The following NAA11 variants were observed in gnomAD, a reference collection of about 807,000 sequenced individuals.
NAA11 encodes the protein N-alpha-acetyltransferase 11.
NAA11 carries 15 observed loss-of-function variants against 16.1 expected under a neutral mutation model. The ratio of observed to expected loss-of-function variants is 0.93; its 90% CI spans 0.62 to 1.44. NAA11 has a LOEUF of 1.44. NAA11 is among the 40% of genes most tolerant of loss of function. NAA11 has a pLI of 0.00. For missense variants in NAA11, 298 were observed against 291.3 expected, an observed-to-expected ratio of 1.02 and a Z score of -0.17; for synonymous variants, 122 against 112.4, an observed-to-expected ratio of 1.09 and a Z score of -0.54.
At chr4:79,161,469 T>G in the NAA11 span, among the ~76,000 whole-genome samples, 1 of 152,158 alleles carries the variant, frequency 6.6e-6, no homozygotes, top group Admixed American at 6.5e-5. Flanking sequence ...ACCCCCAAAT[T>G]TATTTTTTTC....
At chr4:79,183,989 C>G in the NAA11 span, among the ~76,000 whole-genome samples, 1 of 152,174 alleles carries the variant, frequency 6.6e-6, no homozygotes, top group South Asian at 2.1e-4. Flanking sequence ...TGGAAGAAAC[C>G]AAAATGCTAG....
rs1252339717 is a variant in NAA11 at position 79,316,665 on chromosome 4, CTT to C, written c.*1137_*1138del. On this transcript the variant is annotated 3_prime_UTR_variant, in exon 2 of 2. Coordinates refer to ENST00000286794, the MANE Select transcript of NAA11 (RefSeq NM_032693.3). ...TGATAACTCTGGATTTATCTGGTAA[CTT>C]TTACTGCAGAGGTCAAGGTACTTTG... 3 of 152,120 alleles carry C rather than the reference CTT, an allele frequency of 2.0e-5. No individual in the cohort carries two copies. Among genetic ancestry groups the C allele is most frequent in the African/African-American group, 7.2e-5 (3 of 41,422 alleles). The allele number at this position is 152,120 out of a possible 1,614,324, so 9.4% of individuals were successfully genotyped here.
the NAA11 span, among the ~76,000 whole-genome samples, chr4:79,164,676 C>A: frequency 6.6e-6 from 1 of 152,162 alleles, no homozygotes; most frequent in Non-Finnish European, 1.5e-5. Flanking sequence ...TTCCCTCGTG[C>A]CAGTCAGTCA....
At chr4:79,193,814 C>G in the NAA11 span, among the ~76,000 whole-genome samples, 627 of 152,068 alleles carry the variant, frequency 4.1e-3, 4 homozygotes, top group African/African-American at 0.014. Flanking sequence ...AATTACCTTG[C>G]GCAGTATGGC....
chr4:79,195,418 A>AT, the NAA11 span, among the ~76,000 whole-genome samples: 4 of 152,126 alleles, frequency 2.6e-5, no homozygotes, highest in Admixed American at 1.3e-4. Flanking sequence ...CTAAATAAAT[A>AT]TTTTTTTACA....
intron 1 of NAA11, among the ~76,000 whole-genome samples, chr4:79,298,324 G>C (rs796675808): frequency 6.6e-6 from 1 of 152,196 alleles, no homozygotes; most frequent in Non-Finnish European, 1.5e-5. Flanking sequence ...GCAGTAACAC[G>C]AACAGGCCTG....
At chr4:79,323,793 C>T (rs1724174142) in intron 1 of NAA11, among the ~76,000 whole-genome samples, 1 of 151,802 alleles carries the variant, frequency 6.6e-6, no homozygotes. Flanking sequence ...GGCACTCCAG[C>T]CTCGGCGACA....
the NAA11 span, among the ~76,000 whole-genome samples, chr4:79,168,237 A>C: frequency 6.6e-6 from 1 of 152,110 alleles, no homozygotes; most frequent in African/African-American, 2.4e-5. Flanking sequence ...TCTGTGGTGC[A>C]TATGTGCCAT....
At chr4:79,235,767 A>G (rs1301335889) in intron 2 of NAA11, among the ~76,000 whole-genome samples, 1 of 152,080 alleles carries the variant, frequency 6.6e-6, no homozygotes, top group Admixed American at 6.6e-5. Flanking sequence ...GATCAGATAG[A>G]TAGATCATAG....
At chr4:79,295,466 A>G (rs1253439560) in intron 1 of NAA11, among the ~76,000 whole-genome samples, 1 of 152,222 alleles carries the variant, frequency 6.6e-6, no homozygotes, top group Non-Finnish European at 1.5e-5. Context: ...CAACAAAACT[A>G]AAATAAATGC....
chr4:79,322,505 G>GTATA (rs150419621), intron 1 of NAA11, among the ~76,000 whole-genome samples: 63,345 of 149,914 alleles, frequency 0.42, 13,861 homozygotes, highest in East Asian at 0.71. Flanking sequence ...GTGTGTGTGT[G>GTATA]TATATATATA....
At chr4:79,252,534 A>C (rs1188082142) in intron 2 of NAA11, among the ~76,000 whole-genome samples, 1 of 152,232 alleles carries the variant, frequency 6.6e-6, no homozygotes, top group Non-Finnish European at 1.5e-5. Flanking sequence ...AAATGCTTTC[A>C]AGAAAAAAAA....
At chr4:79,311,456 A>T (rs930842853) in intron 1 of NAA11, among the ~76,000 whole-genome samples, 4 of 152,126 alleles carry the variant, frequency 2.6e-5, no homozygotes, top group Admixed American at 6.5e-5. Context: ...ATACATTGTC[A>T]CTCCTAAACC....
chr4:79,311,268 C>T (rs1723762385), intron 1 of NAA11, among the ~76,000 whole-genome samples: 1 of 152,074 alleles, frequency 6.6e-6, no homozygotes, highest in South Asian at 2.1e-4. Flanking sequence ...ATTCAGGGTA[C>T]CCAATTATTA....
chr4:79,174,362 G>A, the NAA11 span, among the ~76,000 whole-genome samples: 3 of 152,212 alleles, frequency 2.0e-5, no homozygotes, highest in Admixed American at 6.5e-5. Context: ...AAAGTGAGAG[G>A]GGGGTGGGAA....
chr4:79,188,714 T>A, the NAA11 span, among the ~76,000 whole-genome samples: 1 of 152,228 alleles, frequency 6.6e-6, no homozygotes, highest in Non-Finnish European at 1.5e-5. Context: ...GATTCATCTC[T>A]TGACACGTTT....
intron 2 of NAA11, among the ~76,000 whole-genome samples, chr4:79,272,631 G>C (rs17003702): frequency 0.042 from 6,365 of 152,034 alleles, 485 homozygotes; most frequent in African/African-American, 0.15. Flanking sequence ...TTATGATTTA[G>C]TAAAGAGGTT....
the NAA11 span, among the ~76,000 whole-genome samples, chr4:79,187,824 G>C: frequency 1.3e-5 from 2 of 150,554 alleles, no homozygotes; most frequent in African/African-American, 4.9e-5. Flanking sequence ...GTGAAACCCC[G>C]TCACTACTAA....
intron 2 of NAA11, chr4:79,245,370 TGAG>T (rs762193272): frequency 6.7e-6 from 1 of 148,238 alleles, no homozygotes; most frequent in South Asian, 2.0e-4. Context: ...GTCTGGGAGA[TGAG>T]GAGCATCTCT....
Sources: allele counts gnomAD v4.1 joint callset (sites outside exome capture counted in the v4.1 genomes callset), GRCh38; gene constraint gnomAD v4.1.1; transcripts MANE v1.5; gene names NCBI Gene and HGNC (gene_info 2026-07-23, HGNC 2026-07-21).